The following ADAM23 variants were observed in gnomAD, a reference collection of about 807,000 sequenced individuals.
ADAM23 encodes disintegrin and metalloproteinase domain-containing protein 23.
In ADAM23, 33 loss-of-function variants were observed where a neutral mutation model predicts 120.1. That is an observed-to-expected ratio of 0.27 (90% confidence interval 0.21 to 0.37). ADAM23 has a LOEUF of 0.37. Ranked by LOEUF, ADAM23 falls within the 10% of genes least tolerant of loss-of-function variation. The pLI is 1.00. For missense variants in ADAM23, 862 were observed against 1,058.2 expected, an observed-to-expected ratio of 0.81 and a Z score of 2.57; for synonymous variants, 367 against 375.2, an observed-to-expected ratio of 0.98 and a Z score of 0.25.
intron 24 of ADAM23, among the ~76,000 whole-genome samples, chr2:206,609,087 A>G (rs1443304515): frequency 6.6e-6 from 1 of 152,208 alleles, no homozygotes; most frequent in African/African-American, 2.4e-5. Flanking sequence ...AGTTACTAGG[A>G]TATGGATTAG....
At chr2:206,523,314 A>G (rs1696881601) in intron 3 of ADAM23, among the ~76,000 whole-genome samples, 1 of 152,194 alleles carries the variant, frequency 6.6e-6, no homozygotes, top group African/African-American at 2.4e-5. Flanking sequence ...ACCCCCAAAG[A>G]AAAACCTCTA....
chr2:206,580,240 C>T (rs1420351773), intron 18 of ADAM23, among the ~76,000 whole-genome samples: 7 of 152,146 alleles, frequency 4.6e-5, no homozygotes, highest in African/African-American at 1.7e-4. Context: ...CTGGCTAGGA[C>T]TTTCAGTACT....
chr2:206,548,227 A>G, intron 7 of ADAM23, 54 bp from the exon 8 acceptor site: 1 of 1,502,682 alleles, frequency 6.7e-7, no homozygotes, highest in East Asian at 2.3e-5. Context: ...ATTTTAAAAC[A>G]TACTCCCATT....
At chr2:206,551,329 A>G (rs1697521395) in intron 9 of ADAM23, among the ~76,000 whole-genome samples, 2 of 152,182 alleles carry the variant, frequency 1.3e-5, no homozygotes, top group Admixed American at 1.3e-4. Context: ...AGCTGGCTCC[A>G]GCAACCACTG....
At chr2:206,561,370 T>G (rs1467729324) in intron 12 of ADAM23, among the ~76,000 whole-genome samples, 158 bp downstream of exon 12, 1 of 152,204 alleles carries the variant, frequency 6.6e-6, no homozygotes, top group African/African-American at 2.4e-5. Flanking sequence ...GTGGTCCTTT[T>G]GGTTCATAGT....
chr2:206,498,225 G>A (rs946658274), intron 3 of ADAM23, among the ~76,000 whole-genome samples: 2 of 152,146 alleles, frequency 1.3e-5, no homozygotes, highest in Non-Finnish European at 2.9e-5. Context: ...AAAGCTGGAG[G>A]CATCGAGCTA....
intron 15 of ADAM23, among the ~76,000 whole-genome samples, chr2:206,568,226 C>T (rs1697928405): frequency 6.6e-6 from 1 of 152,120 alleles, no homozygotes; most frequent in East Asian, 1.9e-4. Context: ...AATACACATA[C>T]GTGTTTATAA....
intron 3 of ADAM23, among the ~76,000 whole-genome samples, chr2:206,492,632 G>A (rs1921667): frequency 0.33 from 49,658 of 151,914 alleles, 8,809 homozygotes; most frequent in African/African-American, 0.46. Flanking sequence ...GTGTCCTCAC[G>A]TGGCAGAAGA....
At position 206,443,814 on chromosome 2, in the gene ADAM23, C is replaced by T; in HGVS notation, c.-53C>T. On this transcript the variant is annotated 5_prime_UTR_variant, in exon 1 of 26. Coordinates refer to ENST00000264377, the MANE Select transcript of ADAM23 (RefSeq NM_003812.4). ...GGCTCCGCCCGCGGCCGCCCCGCAGCTAGCCCGGCGCTCTCGCCGGCCACA... is the reference window on the plus strand; with the variant it reads ...GGCTCCGCCCGCGGCCGCCCCGCAGTTAGCCCGGCGCTCTCGCCGGCCACA... 2.0e-6 allele frequency: 2 copies of T among 1,010,484 alleles called. No homozygotes were observed. Among genetic ancestry groups the T allele is most frequent in the Non-Finnish European group, 1.2e-6 (1 of 840,030 alleles). 62.6% of individuals were successfully genotyped at this position (1,010,484 alleles called of 1,614,324 possible).
intron 18 of ADAM23, among the ~76,000 whole-genome samples, chr2:206,575,917 T>C (rs926304800): frequency 1.4e-4 from 21 of 152,118 alleles, no homozygotes; most frequent in South Asian, 2.1e-4. Flanking sequence ...GGGGTTACAC[T>C]GAGTTCCTTA....
chr2:206,552,648 G>GTTA (rs1314830960), intron 9 of ADAM23, among the ~76,000 whole-genome samples: 3 of 151,844 alleles, frequency 2.0e-5, no homozygotes, highest in African/African-American at 7.2e-5. Context: ...TATTATTGTT[G>GTTA]TTAGTATTAT....
chr2:206,528,857 A>G (rs1696992580), intron 3 of ADAM23, among the ~76,000 whole-genome samples: 1 of 152,194 alleles, frequency 6.6e-6, no homozygotes, highest in Non-Finnish European at 1.5e-5. Flanking sequence ...TTAGAGTGGG[A>G]CCTACTCTTG....
At chr2:206,467,828 TA>T (rs1386202918) in intron 2 of ADAM23, among the ~76,000 whole-genome samples, 1 of 152,194 alleles carries the variant, frequency 6.6e-6, no homozygotes, top group Non-Finnish European at 1.5e-5. Context: ...CTTTTCCATA[TA>T]TCCCCTTGAA....
At chr2:206,537,433 G>C (rs1433875245) in intron 4 of ADAM23, among the ~76,000 whole-genome samples, 1 of 152,022 alleles carries the variant, frequency 6.6e-6, no homozygotes, top group South Asian at 2.1e-4. Flanking sequence ...AGTAAGGGAG[G>C]GTGGGCCCTG....
At chr2:206,617,213 G>T (rs1334256594) in intron 25 of ADAM23, among the ~76,000 whole-genome samples, 1 of 152,086 alleles carries the variant, frequency 6.6e-6, no homozygotes, top group Admixed American at 6.5e-5. Flanking sequence ...CTCCCAATAG[G>T]CTCCTTCATG....
At chr2:206,584,327 T>A (rs1698279264) in intron 18 of ADAM23, among the ~76,000 whole-genome samples, 1 of 152,196 alleles carries the variant, frequency 6.6e-6, no homozygotes, top group African/African-American at 2.4e-5. Flanking sequence ...ATTTTTGTGC[T>A]GGTTGGCCTC....
chr2:206,483,927 A>G (rs1487498427), intron 3 of ADAM23, among the ~76,000 whole-genome samples: 2 of 152,184 alleles, frequency 1.3e-5, no homozygotes, highest in Non-Finnish European at 2.9e-5. Context: ...AGCAGAAGAC[A>G]TTGGGATCAA....
In ADAM23 at chr2:206,620,003, CTT is replaced by C. The variant is rs891676784; in HGVS notation, c.*2379_*2380del. The C allele has an allele frequency of 4.6e-5, 7 of 152,220 alleles. No individual in the cohort carries two copies. Among genetic ancestry groups the C allele is most frequent in the Non-Finnish European group, 8.8e-5 (6 of 68,082 alleles). The allele number at this position is 152,220 out of a possible 1,614,324, so 9.4% of individuals were successfully genotyped here. On this transcript the variant is annotated 3_prime_UTR_variant, in exon 26 of 26. Transcript: ENST00000264377. ...GGAGGAAACTCAGATTACTTGGTAT[CTT>C]TTCCTGTTGCTGCATTGCTTAGTGT...
chr2:206,541,165 C>T (rs1697283861), intron 4 of ADAM23, among the ~76,000 whole-genome samples: 1 of 149,716 alleles, frequency 6.7e-6, no homozygotes, highest in African/African-American at 2.5e-5. Flanking sequence ...GACCCCGTCT[C>T]CAAGAAAAAA....
Sources: gnomAD v4.1 joint callset for allele counts (sites outside exome capture counted in the v4.1 genomes callset) on GRCh38, gnomAD v4.1.1 for gene constraint, MANE v1.5 for transcripts, NCBI Gene and HGNC (gene_info 2026-07-23, HGNC 2026-07-21) for gene names.